Variants in LRRK2 observed in about 807,000 individuals in gnomAD.
The protein encoded by LRRK2 is leucine rich repeat kinase 2.
A neutral mutation model predicts 302.6 loss-of-function variants in LRRK2; 203 were observed. That is an observed-to-expected ratio of 0.67 (90% confidence interval 0.60 to 0.75). The LOEUF (loss-of-function observed/expected upper bound fraction) is 0.75, where lower values mean the gene tolerates loss of function less well. LRRK2 is among the 30% of genes least tolerant of loss of function. The pLI is 0.00. For missense variants in LRRK2, 2,830 were observed against 2,951.0 expected, an observed-to-expected ratio of 0.96 and a Z score of 0.95; for synonymous variants, 1,066 against 1,031.9, an observed-to-expected ratio of 1.03 and a Z score of -0.63.
At chr12:40,289,558 A>G (rs565482653) in intron 20 of LRRK2, among the ~76,000 whole-genome samples, 9 of 149,148 alleles carry the variant, frequency 6.0e-5, no homozygotes, top group African/African-American at 1.7e-4. Context: ...AATAATTTAT[A>G]TAGATTATAT....
Position 40,308,697 on chromosome 12 carries a change from G to A in LRRK2, c.4189+1G>A. ...GTCCTAAATGTGTGGGATTTTGCAGGTATTTCTTTCTATAGAATTTTAAAA... is the reference window on the plus strand; with the variant it reads ...GTCCTAAATGTGTGGGATTTTGCAGATATTTCTTTCTATAGAATTTTAAAA... On this transcript the variant is annotated splice_donor_variant, in intron 29 of 50. Transcript: ENST00000298910. LOFTEE classifies it high-confidence loss of function. 6.2e-7 allele frequency: 1 copy of A among 1,612,626 alleles called. No individual in the cohort carries two copies. Among genetic ancestry groups the A allele is most frequent in the Non-Finnish European group, 8.5e-7 (1 of 1,179,022 alleles).
At chr12:40,312,205 C>A (rs1945058583) in intron 31 of LRRK2, among the ~76,000 whole-genome samples, 1 of 152,114 alleles carries the variant, frequency 6.6e-6, no homozygotes, top group African/African-American at 2.4e-5. Context: ...ATAAGTCAGA[C>A]TAGTTTTTCT....
At chr12:40,309,537 A>T (rs960451814) in intron 30 of LRRK2, among the ~76,000 whole-genome samples, 2 of 152,046 alleles carry the variant, frequency 1.3e-5, no homozygotes, top group Admixed American at 1.3e-4. Context: ...TGAAATCTAA[A>T]TTTTTCTAAT....
At chr12:40,347,687 G>A (rs1946232935) in intron 42 of LRRK2, among the ~76,000 whole-genome samples, 1 of 152,168 alleles carries the variant, frequency 6.6e-6, no homozygotes. Context: ...TCTCTGCTGG[G>A]TACAGTGGCT....
At chr12:40,247,005 T>A (rs1158481800) in intron 7 of LRRK2, among the ~76,000 whole-genome samples, 1 of 152,196 alleles carries the variant, frequency 6.6e-6, no homozygotes, top group African/African-American at 2.4e-5. Flanking sequence ...TTGATTCTGA[T>A]GACATTTTCT....
At chr12:40,265,247 A>G (rs75895732) in intron 14 of LRRK2, among the ~76,000 whole-genome samples, 1 of 152,214 alleles carries the variant, frequency 6.6e-6, no homozygotes, top group African/African-American at 2.4e-5. Flanking sequence ...GGCATTTAGA[A>G]GATAAATAAA....
intron 30 of LRRK2, 48 bp downstream of exon 30, chr12:40,309,281 T>TGC (rs1488872314): frequency 6.6e-7 from 1 of 1,521,644 alleles, no homozygotes; most frequent in Non-Finnish European, 8.8e-7. Context: ...CATGTGTCTG[T>TGC]GTGCGTGTGT....
At chr12:40,229,298 C>T (rs1262308319) in intron 2 of LRRK2, among the ~76,000 whole-genome samples, 1 of 151,896 alleles carries the variant, frequency 6.6e-6, no homozygotes, top group East Asian at 1.9e-4. Flanking sequence ...TAAATTTCTC[C>T]TTCATTTAAT....
chr12:40,262,912 T>G (rs1302980304), intron 13 of LRRK2, among the ~76,000 whole-genome samples: 1 of 152,134 alleles, frequency 6.6e-6, no homozygotes, highest in African/African-American at 2.4e-5. Context: ...CCTCTTTGAG[T>G]ACATTTTAAA....
chr12:40,283,995 A>T lies in LRRK2; in HGVS notation c.2362A>T (p.Ser788Cys), dbSNP rs1384585008. 1.2e-6 allele frequency: 2 copies of T among 1,613,954 alleles called. No individual in the cohort carries two copies. The highest frequency in any genetic ancestry group is 1.7e-6 in the Non-Finnish European group (2 of 1,179,934). Residue 788 changes from serine (S) to cysteine (C), a missense_variant, in exon 19 of 51, where the codon AGC becomes TGC. This residue lies in a region of LRRK2 where 2,121 missense variants were observed against 2,148.0 expected (regional missense o/e 0.99). Transcript: ENST00000298910. ...TGGGAAAGGTGACAGCCAGATCATCAGCTTGCTCTTAAGGAGGCTGGCCCT... is the reference window on the plus strand; with the variant it reads ...TGGGAAAGGTGACAGCCAGATCATCTGCTTGCTCTTAAGGAGGCTGGCCCT... ...SIGKGDSQII[S>C]LLLRRLALDV...
intron 21 of LRRK2, 22 bp from the exon 22 acceptor site, chr12:40,294,823 A>C: frequency 1.2e-5 from 16 of 1,305,092 alleles, no homozygotes; most frequent in Non-Finnish European, 1.6e-5. Flanking sequence ...CAGCAATTTT[A>C]TTATAAATTA....
chr12:40,275,341 G>A (rs1943404568), intron 16 of LRRK2, among the ~76,000 whole-genome samples: 1 of 152,048 alleles, frequency 6.6e-6, no homozygotes, highest in Non-Finnish European at 1.5e-5. Context: ...GGGTTTTATT[G>A]CAGGTTGCTT....
At chr12:40,291,366 C>T (rs1251450020) in intron 20 of LRRK2, among the ~76,000 whole-genome samples, 1 of 151,424 alleles carries the variant, frequency 6.6e-6, no homozygotes, top group East Asian at 1.9e-4. Flanking sequence ...CAGCATGGCA[C>T]ATGTATACAT....
At chr12:40,268,970 T>G (rs1159527300) in intron 14 of LRRK2, among the ~76,000 whole-genome samples, 1 of 152,180 alleles carries the variant, frequency 6.6e-6, no homozygotes, top group East Asian at 1.9e-4. Flanking sequence ...CTTACTCCTT[T>G]TGCCAAAACA....
chr12:40,350,389 A>G (rs191940203), intron 43 of LRRK2, among the ~76,000 whole-genome samples: 37 of 152,296 alleles, frequency 2.4e-4, no homozygotes, highest in Middle Eastern at 3.4e-3. Flanking sequence ...TCGGCCTGAT[A>G]ATTCCTTATG....
intron 20 of LRRK2, among the ~76,000 whole-genome samples, chr12:40,290,857 T>C (rs1328901397): frequency 6.6e-6 from 1 of 152,086 alleles, no homozygotes; most frequent in Non-Finnish European, 1.5e-5. Context: ...TTTAATTGAC[T>C]CTTTTTATAG....
chr12:40,356,201 G>T lies in LRRK2; in HGVS notation c.6843+14G>T. On this transcript the variant is annotated intron_variant, in intron 46 of 50. Coordinates refer to ENST00000298910, the MANE Select transcript of LRRK2 (RefSeq NM_198578.4). ...AAGACTGTTAAGGTAAATGTTGAAT[G>T]CATTCTACATCTAAATTTATTTTAA... The T allele has an allele frequency of 6.3e-7, 1 of 1,578,680 alleles. No individual in the cohort carries two copies. Among genetic ancestry groups the T allele is most frequent in the Non-Finnish European group, 8.7e-7 (1 of 1,151,652 alleles).
intron 27 of LRRK2, 151 bp downstream of exon 27, chr12:40,304,285 T>C: frequency 1.4e-6 from 1 of 712,196 alleles, no homozygotes; most frequent in Non-Finnish European, 2.3e-6. Context: ...TAAATCCAGA[T>C]TTCCATTAAA....
rs78243554 is a variant in LRRK2 at position 40,322,026 on chromosome 12, A to G, written c.5171-9A>G. The G allele has an allele frequency of 8.1e-6, 13 of 1,612,774 alleles. No homozygotes were observed. In the East Asian group the frequency reaches 1.6e-4, roughly 19 times the overall value. ...GAAGCAGTTAATAATTAATGGCTCC[A>G]TTTTTTAGAACGAGCACTTCGCCCA... On this transcript the variant is annotated splice_polypyrimidine_tract_variant and intron_variant, in intron 35 of 50. Coordinates refer to ENST00000298910, the MANE Select transcript of LRRK2 (RefSeq NM_198578.4).
Sources: allele counts gnomAD v4.1 joint callset (sites outside exome capture counted in the v4.1 genomes callset), GRCh38; gene constraint gnomAD v4.1.1; regional missense constraint gnomAD v4.1.1; transcripts MANE v1.5; gene names NCBI Gene and HGNC (gene_info 2026-07-23, HGNC 2026-07-21).